Variants in CMIP observed in about 807,000 individuals in gnomAD.
The protein encoded by CMIP is c-Maf inducing protein, also known as C-Maf-inducing protein.
CMIP carries 13 observed loss-of-function variants against 97.3 expected under a neutral mutation model. The ratio of observed to expected loss-of-function variants is 0.13; its 90% CI spans 0.09 to 0.21. The LOEUF is 0.21. Ranked by LOEUF, CMIP falls within the 10% of genes least tolerant of loss-of-function variation. The pLI is 1.00. For missense variants in CMIP, 847 were observed against 1,024.9 expected, an observed-to-expected ratio of 0.83 and a Z score of 2.37; for synonymous variants, 538 against 436.3, an observed-to-expected ratio of 1.23 and a Z score of -2.91.
At chr16:81,574,957 T>C (rs1378811399) in intron 1 of CMIP, among the ~76,000 whole-genome samples, 1 of 152,256 alleles carries the variant, frequency 6.6e-6, no homozygotes, top group Non-Finnish European at 1.5e-5. Context: ...TCTCTTGTTC[T>C]GAGCTCTTGC....
At chr16:81,701,632 C>A in intron 15 of CMIP, 28 bp from the exon 16 acceptor site, 2 of 1,613,604 alleles carry the variant, frequency 1.2e-6, no homozygotes, top group Non-Finnish European at 1.7e-6. Flanking sequence ...AGGCCGGGTC[C>A]GTAATGCACC....
intron 1 of CMIP, among the ~76,000 whole-genome samples, chr16:81,460,941 C>G (rs898692194): frequency 1.3e-5 from 2 of 152,140 alleles, no homozygotes; most frequent in East Asian, 3.8e-4. Flanking sequence ...TTATGACAAT[C>G]CTGTGAAGTT....
At chr16:81,636,322 C>G (rs186979692) in intron 3 of CMIP, among the ~76,000 whole-genome samples, 1 of 152,090 alleles carries the variant, frequency 6.6e-6, no homozygotes, top group Admixed American at 6.5e-5. Flanking sequence ...GTGGCTCGTG[C>G]CTGTAATCCC....
chr16:81,520,588 G>GAGAGAGAC (rs2090003631), intron 1 of CMIP: 2 of 151,094 alleles, frequency 1.3e-5, no homozygotes, highest in African/African-American at 4.9e-5. Flanking sequence ...GAGAGAGAGA[G>GAGAGAGAC]AGAGAGAGAG....
chr16:81,683,756 C>CTTTTTTTTTTTTTTT (rs71272426), intron 10 of CMIP, among the ~76,000 whole-genome samples: 1 of 81,612 alleles, frequency 1.2e-5, no homozygotes, highest in African/African-American at 5.2e-5. Flanking sequence ...TTTTCTTTTT[C>CTTTTTTTTTTTTTTT]TTTTTTTTTT....
In CMIP at chr16:81,699,693, C is replaced by T. The variant is rs765136430; in HGVS notation, c.1647C>T (p.Ile549=). ...DGELFASMVH[I]LMGSCYKTKK... ...GCCTTCTTGCCTCACAGGTGCACAT[C>T]CTCATGGGCTCCTGTTACAAGACCA... Residue 549 remains isoleucine (I), a synonymous_variant, in exon 15 of 21, where the codon ATC becomes ATT. Coordinates refer to ENST00000537098, the MANE Select transcript of CMIP (RefSeq NM_198390.3). The T allele has an allele frequency of 6.2e-7, 1 of 1,610,744 alleles. No homozygotes were observed. The highest frequency in any genetic ancestry group is 1.1e-5 in the South Asian group (1 of 90,890).
At position 81,452,775 on chromosome 16, in the gene CMIP, G is replaced by C. The variant is rs146434513; in HGVS notation, c.300+7234G>C. 7.1e-3 allele frequency among the ~76,000 whole-genome samples: 1,080 copies of C among 152,022 alleles called. 11 individuals are homozygous for C. Among genetic ancestry groups the C allele is most frequent in the African/African-American group, 0.025 (1,022 of 41,436 alleles). On this transcript the variant is annotated intron_variant, in intron 1 of 20. Coordinates refer to ENST00000537098, the MANE Select transcript of CMIP (RefSeq NM_198390.3). ...GTTATTATCTGTTTAAAAAATTAAT[G>C]AGTATGTAGAATGTGCGAGGTGATG...
At chr16:81,500,272 G>GTCCGTCCTTCCTTCCTTCCTTCCTTCCT (rs1567546095) in intron 1 of CMIP, among the ~76,000 whole-genome samples, 65 of 64,836 alleles carry the variant, frequency 1.0e-3, no homozygotes, top group African/African-American at 3.5e-3. Context: ...CCTTCCTTCC[G>GTCCGTCCTTCCTTCCTTCCTTCCTTCCT]TCCTTCCTTC....
At chr16:81,542,446 G>A (rs748645581) in intron 1 of CMIP, among the ~76,000 whole-genome samples, 21 of 152,126 alleles carry the variant, frequency 1.4e-4, no homozygotes, top group Non-Finnish European at 1.3e-4. Flanking sequence ...CATGGCGTGC[G>A]TGATCTTGAG....
intron 10 of CMIP, among the ~76,000 whole-genome samples, chr16:81,684,233 G>A (rs1225377866): frequency 2.0e-5 from 3 of 152,250 alleles, no homozygotes; most frequent in South Asian, 2.1e-4. Context: ...CCGGCCTCGC[G>A]GGTAACAGCC....
intron 1 of CMIP, among the ~76,000 whole-genome samples, chr16:81,465,838 G>A (rs1054014441): frequency 1.3e-5 from 2 of 152,202 alleles, no homozygotes; most frequent in Admixed American, 1.3e-4. Context: ...CCAGACCTTC[G>A]CTCAGGGTCT....
intron 7 of CMIP, chr16:81,664,688 G>T: frequency 1.9e-6 from 1 of 540,190 alleles, no homozygotes; most frequent in Non-Finnish European, 3.3e-6. Context: ...CTCCTTTAGT[G>T]TGTGCTGCGC....
intron 6 of CMIP, among the ~76,000 whole-genome samples, chr16:81,661,856 G>A (rs1206999598): frequency 1.3e-5 from 2 of 152,136 alleles, no homozygotes; most frequent in Admixed American, 6.5e-5. Context: ...CTCCCTATCA[G>A]GATTCCTTTT....
chr16:81,524,220 C>G (rs2090084533), intron 1 of CMIP, among the ~76,000 whole-genome samples: 1 of 152,208 alleles, frequency 6.6e-6, no homozygotes, highest in African/African-American at 2.4e-5. Flanking sequence ...TCAGACAGAG[C>G]TGGATTCTCT....
chr16:81,642,068 C>G (rs187380941), intron 3 of CMIP, among the ~76,000 whole-genome samples: 50 of 152,396 alleles, frequency 3.3e-4, no homozygotes, highest in African/African-American at 1.1e-3. Flanking sequence ...GTGCTTCGCA[C>G]AGGACCTGGC....
chr16:81,549,293 G>A (rs1051826234), intron 1 of CMIP, among the ~76,000 whole-genome samples: 6 of 152,228 alleles, frequency 3.9e-5, no homozygotes, highest in African/African-American at 1.4e-4. Flanking sequence ...GGTTGAGCTG[G>A]TAAATCATTC....
At chr16:81,514,904 C>G (rs1198239935) in intron 1 of CMIP, among the ~76,000 whole-genome samples, 1 of 152,206 alleles carries the variant, frequency 6.6e-6, no homozygotes, top group Non-Finnish European at 1.5e-5. Flanking sequence ...TTCAGAGGAG[C>G]TACCACAGAC....
chr16:81,653,165 A>G (rs933461406), intron 4 of CMIP, among the ~76,000 whole-genome samples: 1 of 152,194 alleles, frequency 6.6e-6, no homozygotes, highest in Non-Finnish European at 1.5e-5. Flanking sequence ...CTCTGGGAAC[A>G]CTGGAGTTGA....
intron 1 of CMIP, among the ~76,000 whole-genome samples, chr16:81,473,213 C>T (rs151241385): frequency 3.9e-5 from 6 of 152,348 alleles, no homozygotes; most frequent in East Asian, 3.9e-4. Context: ...CTCTGCAGGA[C>T]GACGTGAACA....
Sources: gnomAD v4.1 joint callset for allele counts (sites outside exome capture counted in the v4.1 genomes callset) on GRCh38, gnomAD v4.1.1 for gene constraint, MANE v1.5 for transcripts, NCBI Gene and HGNC (gene_info 2026-07-23, HGNC 2026-07-21) for gene names.